NELL1: variants seen among roughly 807,000 people sequenced by gnomAD.
The protein encoded by NELL1 is neural EGFL like 1.
In NELL1, 76 loss-of-function variants were observed where a neutral mutation model predicts 107.4. The observed-to-expected ratio is 0.71, with a 90% confidence interval of 0.59 to 0.86. NELL1 has a LOEUF of 0.86. Ranked by LOEUF, NELL1 falls within the 40% of genes least tolerant of loss-of-function variation. The pLI is 0.00. For synonymous variants in NELL1, 353 were observed against 341.2 expected, an observed-to-expected ratio of 1.03 and a Z score of -0.38; for missense variants, 1,024 against 1,005.5, an observed-to-expected ratio of 1.02 and a Z score of -0.25.
intron 14 of NELL1, among the ~76,000 whole-genome samples, chr11:21,248,832 C>G (rs780930613): frequency 6.6e-6 from 1 of 152,168 alleles, no homozygotes; most frequent in Non-Finnish European, 1.5e-5. Flanking sequence ...TCCTGTTACA[C>G]AAGCCAATCA....
intron 3 of NELL1, among the ~76,000 whole-genome samples, chr11:20,836,903 A>T (rs1848543444): frequency 6.6e-6 from 1 of 152,180 alleles, no homozygotes; most frequent in African/African-American, 2.4e-5. Flanking sequence ...TGCATATGTC[A>T]AAAGCCACAG....
Position 20,930,820 on chromosome 11 carries a change from T to TC in NELL1, c.997+2344dup, listed in dbSNP as rs566973896. Among the ~76,000 whole-genome samples the TC allele has an allele frequency of 4.3e-3, 646 of 150,860 alleles. 3 individuals carry two copies. The highest frequency in any genetic ancestry group is 0.015 in the African/African-American group (601 of 40,482). ...AAAACATCAGTTTTTTTTTTTTTTT[T>TC]CCCTTTGCATGGAATTCATAGCAAT... is the stretch of plus-strand genomic sequence containing the variant. On this transcript the variant is annotated intron_variant, in intron 9 of 19. Transcript: ENST00000357134.
chr11:21,192,957 G>A (rs942034402), intron 13 of NELL1, among the ~76,000 whole-genome samples: 1 of 151,848 alleles, frequency 6.6e-6, no homozygotes, highest in Non-Finnish European at 1.5e-5. Flanking sequence ...TTTTTGTAGA[G>A]CTTTTAATGA....
In NELL1 at chr11:21,081,142, G is replaced by A. The variant is rs985691154; in HGVS notation, c.1301-32447G>A. ...CCTTATCACTCTTCTCTGACTTAAT[G>A]TTGGCAGCTCCAGGAGACATATCAC... On this transcript the variant is annotated intron_variant, in intron 12 of 19. Transcript: ENST00000357134. 2.0e-5 allele frequency among the ~76,000 whole-genome samples: 3 copies of A among 151,914 alleles called. No individual in the cohort carries two copies. In the East Asian group the frequency reaches 5.8e-4, roughly 29 times the overall value.
At chr11:21,045,832 A>G (rs1853340996) in intron 12 of NELL1, among the ~76,000 whole-genome samples, 1 of 152,308 alleles carries the variant, frequency 6.6e-6, no homozygotes, top group South Asian at 2.1e-4. Context: ...TAGTTTAGTC[A>G]TAAATGCCTT....
intron 12 of NELL1, among the ~76,000 whole-genome samples, chr11:21,105,774 TCC>T (rs1854940167): frequency 8.9e-6 from 1 of 112,966 alleles, no homozygotes; most frequent in Admixed American, 8.6e-5. Flanking sequence ...TCATTACCTC[TCC>T]CCTCCCCTCC....
chr11:21,251,243 T>G (rs1404032538), intron 14 of NELL1, among the ~76,000 whole-genome samples: 4 of 152,146 alleles, frequency 2.6e-5, no homozygotes, highest in Non-Finnish European at 5.9e-5. Flanking sequence ...GATACCTGTA[T>G]GACAGTATGT....
At chr11:21,220,191 G>C (rs1488835083) in intron 13 of NELL1, among the ~76,000 whole-genome samples, 1 of 152,072 alleles carries the variant, frequency 6.6e-6, no homozygotes, top group Non-Finnish European at 1.5e-5. Context: ...TTTATTATTG[G>C]GTTCTCTATT....
chr11:21,014,110 C>T (rs1363831498), intron 12 of NELL1, among the ~76,000 whole-genome samples: 5 of 152,094 alleles, frequency 3.3e-5, no homozygotes, highest in Non-Finnish European at 7.4e-5. Flanking sequence ...TTTCAGTTGA[C>T]TCTTCTGACA....
intron 14 of NELL1, among the ~76,000 whole-genome samples, chr11:21,349,971 CTTAGACCTTTTACTTGCTG>C (rs953743218): frequency 3.9e-5 from 6 of 152,186 alleles, no homozygotes; most frequent in African/African-American, 1.4e-4. Flanking sequence ...ATAATTAAGA[CTTAGACCTTTTACTTGCTG>C]TCCAACATAG....
At chr11:21,364,939 A>G (rs1469807875) in intron 14 of NELL1, among the ~76,000 whole-genome samples, 2 of 152,044 alleles carry the variant, frequency 1.3e-5, no homozygotes, top group African/African-American at 4.8e-5. Flanking sequence ...ACACCTTTTC[A>G]TTTTCTTCTA....
rs760789418 is a variant in NELL1, at chr11:20,677,993, GA to G, written c.119del (p.Asn40ThrfsTer24). Reference protein sequence around the residue: ...MDIVTELDLVNTTLGVAQVSG... With the variant: ...MDIVTELDLVXTTLGVAQVSG... The stretch of plus-strand genomic sequence containing the variant: ...ATATCGTCACCGAGCTTGACCTTGT[GA>G]ACACCACCCTTGGAGTTGCTCAGGT... On this transcript the variant is annotated frameshift_variant, in exon 2 of 20. Coordinates refer to ENST00000357134, the MANE Select transcript of NELL1 (RefSeq NM_006157.5). LOFTEE classifies it high-confidence loss of function. 1 of 1,614,112 alleles carries G rather than the reference GA, an allele frequency of 6.2e-7. No homozygotes were observed. The highest frequency in any genetic ancestry group is 8.5e-7 in the Non-Finnish European group (1 of 1,180,012).
chr11:21,319,517 T>TATA, intron 14 of NELL1, among the ~76,000 whole-genome samples: 1 of 145,134 alleles, frequency 6.9e-6, no homozygotes, highest in Non-Finnish European at 1.5e-5. Context: ...TATATATATA[T>TATA]TTTTAGTAGA....
chr11:21,325,319 C>T (rs1850106228), intron 14 of NELL1, among the ~76,000 whole-genome samples: 2 of 151,992 alleles, frequency 1.3e-5, no homozygotes, highest in Non-Finnish European at 2.9e-5. Flanking sequence ...AATAATGCTT[C>T]AGAGGATTTT....
chr11:20,845,384 G>A (rs1451997733), intron 3 of NELL1, among the ~76,000 whole-genome samples: 2 of 152,126 alleles, frequency 1.3e-5, no homozygotes, highest in Non-Finnish European at 2.9e-5. Flanking sequence ...GATGAAATCT[G>A]GTTAAATGTA....
chr11:20,889,985 C>T (rs10833407), intron 5 of NELL1, among the ~76,000 whole-genome samples: 1 of 151,942 alleles, frequency 6.6e-6, no homozygotes, highest in East Asian at 1.9e-4. Context: ...GCAAAGCACA[C>T]CCGCTCCACC....
chr11:21,039,945 T>C (rs1028481228), intron 12 of NELL1, among the ~76,000 whole-genome samples: 2 of 152,136 alleles, frequency 1.3e-5, no homozygotes, highest in Non-Finnish European at 2.9e-5. Context: ...TCTTAATAAC[T>C]TTGTAGAAAT....
intron 16 of NELL1, among the ~76,000 whole-genome samples, chr11:21,540,308 C>A (rs1856259293): frequency 6.6e-6 from 1 of 152,104 alleles, no homozygotes; most frequent in Non-Finnish European, 1.5e-5. Context: ...TGTTTGAACC[C>A]ATTGACCAAC....
intron 13 of NELL1, among the ~76,000 whole-genome samples, chr11:21,175,095 T>G (rs559311717): frequency 4.0e-4 from 61 of 151,766 alleles, no homozygotes; most frequent in Non-Finnish European, 6.9e-4. Context: ...AGACTTAAAT[T>G]TACTGAATTG....
Sources: gnomAD v4.1 joint callset for allele counts (sites outside exome capture counted in the v4.1 genomes callset) on GRCh38, gnomAD v4.1.1 for gene constraint, MANE v1.5 for transcripts, NCBI Gene and HGNC (gene_info 2026-07-23, HGNC 2026-07-21) for gene names.